The following FBXL20 variants were observed in gnomAD, a reference collection of about 807,000 sequenced individuals.
The protein encoded by FBXL20 is F-box/LRR-repeat protein 20.
FBXL20 carries 11 observed loss-of-function variants against 64.0 expected under a neutral mutation model. That is an observed-to-expected ratio of 0.17 (90% CI 0.11 to 0.28). FBXL20 has a LOEUF of 0.28. Ranked by LOEUF, FBXL20 falls within the 10% of genes least tolerant of loss-of-function variation. The pLI is 1.00. For missense variants in FBXL20, 303 were observed against 526.2 expected (o/e 0.58, Z 4.15); for synonymous variants, 184 against 189.0 (o/e 0.97, Z 0.22).
intron 2 of FBXL20, among the ~76,000 whole-genome samples, chr17:39,333,147 C>T (rs952059706): frequency 2.0e-5 from 3 of 151,832 alleles, no homozygotes; most frequent in African/African-American, 4.9e-5. Context: ...TCTCCCTCTC[C>T]CTCCTCCCTC....
chr17:39,326,532 G>GA (rs1456497626), intron 2 of FBXL20, among the ~76,000 whole-genome samples: 1 of 151,814 alleles, frequency 6.6e-6, no homozygotes, highest in African/African-American at 2.4e-5. Flanking sequence ...GAGGTGGGGG[G>GA]ATCACCTGAG....
chr17:39,324,934 T>C (rs2047396443), intron 2 of FBXL20, among the ~76,000 whole-genome samples: 1 of 152,240 alleles, frequency 6.6e-6, no homozygotes, highest in Non-Finnish European at 1.5e-5. Flanking sequence ...CCAAGTGCAG[T>C]GGCTCACGCC....
chr17:39,363,443 C>A (rs959949969), intron 1 of FBXL20, among the ~76,000 whole-genome samples: 1 of 152,140 alleles, frequency 6.6e-6, no homozygotes, highest in Admixed American at 6.6e-5. Context: ...AGGTGTGAGC[C>A]ACCACACCTA....
intron 6 of FBXL20, among the ~76,000 whole-genome samples, chr17:39,290,944 A>G (rs891990942): frequency 6.7e-6 from 1 of 150,300 alleles, no homozygotes; most frequent in African/African-American, 2.5e-5. Context: ...CTTTTACTTT[A>G]TAAGTCTTCT....
At chr17:39,282,276 C>T (rs1261966813) in intron 8 of FBXL20, among the ~76,000 whole-genome samples, 1 of 152,052 alleles carries the variant, frequency 6.6e-6, no homozygotes, top group East Asian at 1.9e-4. Flanking sequence ...TGTAATGTGA[C>T]TGGCAGGAAA....
intron 6 of FBXL20, among the ~76,000 whole-genome samples, chr17:39,288,716 T>C (rs2047010670): frequency 6.6e-6 from 1 of 152,108 alleles, no homozygotes; most frequent in Non-Finnish European, 1.5e-5. Context: ...ACGCATAATT[T>C]TTTTTTTCCT....
chr17:39,299,176 G>A (rs2047112492), intron 4 of FBXL20, 92 bp from the exon 5 acceptor site: 1 of 914,432 alleles, frequency 1.1e-6, no homozygotes, highest in Non-Finnish European at 1.7e-6. Context: ...TAAACAAAGA[G>A]AAAATGCTTC....
At chr17:39,334,473 T>TA (rs1567884778) in intron 2 of FBXL20, among the ~76,000 whole-genome samples, 3 of 143,008 alleles carry the variant, frequency 2.1e-5, no homozygotes, top group African/African-American at 5.6e-5. Context: ...CAATAAATAC[T>TA]AAAAAAATTA....
chr17:39,280,947 A>C (rs2046945037), intron 9 of FBXL20, among the ~76,000 whole-genome samples: 1 of 152,098 alleles, frequency 6.6e-6, no homozygotes, highest in South Asian at 2.1e-4. Flanking sequence ...CACCTTTTGT[A>C]GAGACGGGGT....
intron 1 of FBXL20, among the ~76,000 whole-genome samples, chr17:39,390,499 T>G (rs890240549): frequency 2.6e-5 from 4 of 151,598 alleles, no homozygotes; most frequent in Non-Finnish European, 5.9e-5. Context: ...AGGCAGAGGT[T>G]GCAGTGAGCT....
chr17:39,348,114 C>CT (rs2047652049), intron 1 of FBXL20, among the ~76,000 whole-genome samples: 1 of 144,912 alleles, frequency 6.9e-6, no homozygotes, highest in Non-Finnish European at 1.5e-5. Context: ...GAGAGAGAGT[C>CT]TCGCAGGGCA....
chr17:39,355,324 G>A (rs1364181891), intron 1 of FBXL20, among the ~76,000 whole-genome samples: 1 of 151,062 alleles, frequency 6.6e-6, no homozygotes, highest in East Asian at 2.0e-4. Flanking sequence ...CCCTAAGGTT[G>A]AGAACAGCCT....
chr17:39,377,752 CT>C (rs1411716705), intron 1 of FBXL20, among the ~76,000 whole-genome samples: 2 of 152,124 alleles, frequency 1.3e-5, no homozygotes, highest in Admixed American at 6.6e-5. Flanking sequence ...TCCGCTCCCC[CT>C]AGGCCTCCCA....
chr17:39,337,975 C>T lies in FBXL20; in HGVS notation c.104+5205G>A, dbSNP rs374703977. On this transcript the variant is annotated intron_variant, in intron 2 of 14. Coordinates refer to ENST00000264658, the MANE Select transcript of FBXL20 (RefSeq NM_032875.3). ...CCGGGAGGTGAGGGGCGCCTCTGCC[C>T]GGCCGCCCCTACTGGGAAGTGAGGA... Among the ~76,000 whole-genome samples the T allele has an allele frequency of 2.6e-4, 40 of 151,904 alleles. No homozygotes were observed. The East Asian group carries it at 5.9e-3, about 22-fold the overall frequency.
intron 1 of FBXL20, among the ~76,000 whole-genome samples, chr17:39,344,944 C>T (rs2047618495): frequency 6.6e-6 from 1 of 152,152 alleles, no homozygotes; most frequent in Admixed American, 6.6e-5. Flanking sequence ...AAATTACTCA[C>T]AACGGATACT....
At chr17:39,345,692 C>T (rs1459995901) in intron 1 of FBXL20, among the ~76,000 whole-genome samples, 1 of 152,116 alleles carries the variant, frequency 6.6e-6, no homozygotes, top group Admixed American at 6.6e-5. Flanking sequence ...GGGCGCCTGC[C>T]ACCACACTTG....
At chr17:39,401,214 G>A in intron 1 of FBXL20, 147 bp downstream of exon 1, 1 of 1,504,382 alleles carries the variant, frequency 6.6e-7, no homozygotes, top group Non-Finnish European at 8.9e-7. Context: ...CTTCTGGGTC[G>A]CAAGAAAGGG....
chr17:39,326,297 G>A (rs914042010), intron 2 of FBXL20, among the ~76,000 whole-genome samples: 4 of 151,732 alleles, frequency 2.6e-5, no homozygotes, highest in African/African-American at 9.7e-5. Flanking sequence ...AACTGAATAC[G>A]AAAATAAATG....
At chr17:39,395,158 C>T (rs1422511268) in intron 1 of FBXL20, among the ~76,000 whole-genome samples, 1 of 152,110 alleles carries the variant, frequency 6.6e-6, no homozygotes, top group East Asian at 1.9e-4. Flanking sequence ...GGCGTGGTGG[C>T]TCACACCTGT....
Sources: allele counts gnomAD v4.1 joint callset (sites outside exome capture counted in the v4.1 genomes callset), GRCh38; gene constraint gnomAD v4.1.1; transcripts MANE v1.5; gene names NCBI Gene and HGNC (gene_info 2026-07-23, HGNC 2026-07-21).